The following STRN3 variants were observed in gnomAD, a reference collection of about 807,000 sequenced individuals.
STRN3 encodes striatin-3.
Under a neutral mutation model 95.6 loss-of-function variants are expected in STRN3, and 29 were observed. That is an observed-to-expected ratio of 0.30 (90% CI 0.23 to 0.41). The LOEUF (loss-of-function observed/expected upper bound fraction) is 0.41, where lower values mean the gene tolerates loss of function less well. STRN3 is among the 10% of genes least tolerant of loss of function. The pLI, the probability that STRN3 is intolerant of heterozygous loss-of-function variation, is 1.00. For synonymous variants in STRN3, 331 were observed against 357.6 expected (o/e 0.93, Z 0.84); for missense variants, 890 against 972.1 (o/e 0.92, Z 1.12).
chr14:30,915,553 T>G (rs1260714133), intron 9 of STRN3, among the ~76,000 whole-genome samples: 1 of 152,190 alleles, frequency 6.6e-6, no homozygotes, highest in Non-Finnish European at 1.5e-5. Flanking sequence ...AGTATGCAGT[T>G]ATTGGCAATA....
intron 1 of STRN3, among the ~76,000 whole-genome samples, chr14:30,999,297 T>A (rs1387915296): frequency 6.6e-6 from 1 of 152,186 alleles, no homozygotes; most frequent in Non-Finnish European, 1.5e-5. Flanking sequence ...TCCTCCCACC[T>A]CGGCCTCCCG....
chr14:30,968,678 C>CAA (rs202184920), intron 1 of STRN3, among the ~76,000 whole-genome samples: 9 of 127,878 alleles, frequency 7.0e-5, no homozygotes, highest in East Asian at 2.2e-4. Context: ...GACTCCATCT[C>CAA]AAAAAAAAAA....
intron 1 of STRN3, among the ~76,000 whole-genome samples, chr14:31,004,437 A>C (rs955372498): frequency 1.3e-5 from 2 of 152,104 alleles, no homozygotes; most frequent in African/African-American, 2.4e-5. Context: ...TGAAAAAGAA[A>C]AGTACTAGTT....
At chr14:30,956,475 A>G (rs1224285685) in intron 1 of STRN3, among the ~76,000 whole-genome samples, 1 of 152,190 alleles carries the variant, frequency 6.6e-6, no homozygotes, top group Non-Finnish European at 1.5e-5. Context: ...AAACATAGTG[A>G]GACCTCATCT....
chr14:31,020,225 G>A (rs1234156528), intron 1 of STRN3, among the ~76,000 whole-genome samples: 1 of 152,178 alleles, frequency 6.6e-6, no homozygotes, highest in African/African-American at 2.4e-5. Context: ...TAGGTCAGGC[G>A]CAGTGGCTCA....
chr14:30,910,403 C>T (rs1195855582), intron 13 of STRN3, among the ~76,000 whole-genome samples: 2 of 152,176 alleles, frequency 1.3e-5, no homozygotes, highest in African/African-American at 2.4e-5. Context: ...CTAATGTAGG[C>T]ACAATGTGTG....
intron 14 of STRN3, among the ~76,000 whole-genome samples, chr14:30,906,280 C>T (rs971772648): frequency 6.6e-6 from 1 of 151,960 alleles, no homozygotes; most frequent in African/African-American, 2.4e-5. Flanking sequence ...TACTATTCAC[C>T]TAAAATGTTT....
At chr14:31,015,750 G>A (rs1240613858) in intron 1 of STRN3, among the ~76,000 whole-genome samples, 2 of 152,162 alleles carry the variant, frequency 1.3e-5, no homozygotes, top group African/African-American at 4.8e-5. Context: ...GCCTTGGAAA[G>A]CAGCTGCCAA....
intron 15 of STRN3, among the ~76,000 whole-genome samples, chr14:30,904,574 T>C (rs990787831): frequency 3.9e-5 from 6 of 152,132 alleles, no homozygotes; most frequent in African/African-American, 1.2e-4. Context: ...AACCAAATTG[T>C]TGATAAAGAG....
chr14:30,951,226 T>C (rs923654117), intron 3 of STRN3, among the ~76,000 whole-genome samples: 2 of 152,122 alleles, frequency 1.3e-5, no homozygotes, highest in Non-Finnish European at 2.9e-5. Context: ...TAAAATATTA[T>C]TAAAACTGAT....
In STRN3 at chr14:30,956,134, C is replaced by T; in HGVS notation, c.386+5G>A. On this transcript the variant is annotated splice_donor_5th_base_variant and intron_variant, in intron 2 of 17. Coordinates refer to ENST00000357479, the MANE Select transcript of STRN3 (RefSeq NM_001083893.2). Reference sequence around the variant, plus strand: ...TATTCATGTAACAAAATGAGGCACACATACCTTTCTTGTTTTAATGCATAC... The same window carrying T: ...TATTCATGTAACAAAATGAGGCACATATACCTTTCTTGTTTTAATGCATAC... 1 of 1,608,650 alleles carries T rather than the reference C, an allele frequency of 6.2e-7. No homozygotes were observed. The highest frequency in any genetic ancestry group is 8.5e-7 in the Non-Finnish European group (1 of 1,175,396).
intron 8 of STRN3, among the ~76,000 whole-genome samples, chr14:30,921,003 T>C (rs1480642641): frequency 6.6e-6 from 1 of 152,040 alleles, no homozygotes; most frequent in Non-Finnish European, 1.5e-5. Context: ...AGGTTACTTC[T>C]GCAGTATTTT....
At chr14:30,965,074 CTATTT>C (rs1464908782) in intron 1 of STRN3, among the ~76,000 whole-genome samples, 1 of 152,160 alleles carries the variant, frequency 6.6e-6, no homozygotes, top group Non-Finnish European at 1.5e-5. Flanking sequence ...CGATAACACA[CTATTT>C]TGAGTATTGA....
intron 1 of STRN3, among the ~76,000 whole-genome samples, chr14:31,004,483 A>T (rs962232943): frequency 3.5e-4 from 53 of 152,214 alleles, no homozygotes; most frequent in African/African-American, 1.1e-3. Context: ...ATAAGAATTT[A>T]AAAAAAGAGG....
At chr14:30,975,443 G>A (rs988599986) in intron 1 of STRN3, among the ~76,000 whole-genome samples, 1 of 151,078 alleles carries the variant, frequency 6.6e-6, no homozygotes, top group East Asian at 1.9e-4. Context: ...CTACACAATG[G>A]TTACACTGTA....
At chr14:30,985,270 T>C (rs932261707) in intron 1 of STRN3, among the ~76,000 whole-genome samples, 16 of 142,792 alleles carry the variant, frequency 1.1e-4, no homozygotes, top group Admixed American at 5.8e-4. Context: ...ATGGCACCAT[T>C]GCACTCCAGC....
intron 7 of STRN3, among the ~76,000 whole-genome samples, chr14:30,933,340 T>C (rs1413719997): frequency 7.0e-6 from 1 of 142,742 alleles, no homozygotes; most frequent in South Asian, 2.2e-4. Flanking sequence ...GTGAAAAGTG[T>C]GCATTACAAA....
intron 1 of STRN3, among the ~76,000 whole-genome samples, chr14:30,983,871 A>AGGG (rs1384554967): frequency 6.6e-6 from 1 of 152,022 alleles, no homozygotes; most frequent in Non-Finnish European, 1.5e-5. Context: ...TATCTAACTA[A>AGGG]CCTTTAAAAA....
chr14:31,018,666 A>G, intron 1 of STRN3: 2 of 466,058 alleles, frequency 4.3e-6, no homozygotes, highest in South Asian at 3.3e-5. Context: ...GGCCAGTTTC[A>G]GAAAACAGTT....
Sources: allele counts gnomAD v4.1 joint callset (sites outside exome capture counted in the v4.1 genomes callset), GRCh38; gene constraint gnomAD v4.1.1; transcripts MANE v1.5; gene names NCBI Gene and HGNC (gene_info 2026-07-23, HGNC 2026-07-21).